Variants in SYBU observed in about 807,000 individuals in gnomAD.
The protein encoded by SYBU is syntabulin.
Under a neutral mutation model 35.9 loss-of-function variants are expected in SYBU, and 21 were observed. The observed-to-expected ratio is 0.58, with a 90% confidence interval of 0.41 to 0.84. The LOEUF is 0.84. Ranked by LOEUF, SYBU falls within the 40% of genes least tolerant of loss-of-function variation. The pLI is 0.00. For synonymous variants in SYBU, 319 were observed against 324.3 expected, an observed-to-expected ratio of 0.98 and a Z score of 0.18; for missense variants, 768 against 848.2, an observed-to-expected ratio of 0.91 and a Z score of 1.17.
chr8:109,639,771 C>T (rs750048976), intron 2 of SYBU, among the ~76,000 whole-genome samples: 1 of 152,178 alleles, frequency 6.6e-6, no homozygotes, highest in African/African-American at 2.4e-5. Flanking sequence ...TTAAAACGAG[C>T]GATTTCCCCC....
At chr8:109,581,708 G>A (rs1823050424) in intron 4 of SYBU, among the ~76,000 whole-genome samples, 1 of 152,204 alleles carries the variant, frequency 6.6e-6, no homozygotes, top group African/African-American at 2.4e-5. Context: ...TGAGAAATGT[G>A]TGTAAATGTG....
upstream of SYBU, chr8:109,646,253 G>A (rs911237173): frequency 3.9e-5 from 6 of 152,170 alleles, no homozygotes; most frequent in Admixed American, 1.3e-4. Context: ...ATGCACCAGT[G>A]TCCTACATAG....
chr8:109,626,792 C>T (rs1244227688), intron 2 of SYBU, among the ~76,000 whole-genome samples: 11 of 152,128 alleles, frequency 7.2e-5, no homozygotes. Flanking sequence ...TACCTGTAGT[C>T]CCAGCGGAGG....
At chr8:109,645,090 C>T (rs937354829), upstream of SYBU, 8 of 477,626 alleles carry the variant, frequency 1.7e-5, no homozygotes, top group Non-Finnish European at 3.3e-5. Flanking sequence ...GTGACCCCAC[C>T]CTCTTTTTTT....
intron 1 of SYBU, among the ~76,000 whole-genome samples, chr8:109,657,397 A>C (rs1174810532): frequency 6.6e-6 from 1 of 152,126 alleles, no homozygotes; most frequent in Non-Finnish European, 1.5e-5. Flanking sequence ...CTTTAACACC[A>C]AGGTTTTCTG....
At chr8:109,610,152 C>G (rs1811010718) in intron 3 of SYBU, among the ~76,000 whole-genome samples, 1 of 152,112 alleles carries the variant, frequency 6.6e-6, no homozygotes, top group Admixed American at 6.5e-5. Flanking sequence ...AATGTCACCA[C>G]CCCAGACACT....
intron 3 of SYBU, among the ~76,000 whole-genome samples, chr8:109,616,516 C>T (rs964457614): frequency 6.6e-6 from 1 of 151,970 alleles, no homozygotes; most frequent in African/African-American, 2.4e-5. Flanking sequence ...AATATTAACG[C>T]TCATATAAAC....
At chr8:109,607,634 T>C (rs1406179306) in intron 3 of SYBU, among the ~76,000 whole-genome samples, 1 of 152,210 alleles carries the variant, frequency 6.6e-6, no homozygotes, top group South Asian at 2.1e-4. Context: ...CTTTTTCATT[T>C]TGGCATCAAA....
intron 2 of SYBU, among the ~76,000 whole-genome samples, chr8:109,637,327 T>C (rs1230507699): frequency 6.6e-6 from 1 of 152,208 alleles, no homozygotes; most frequent in Non-Finnish European, 1.5e-5. Flanking sequence ...CTTAATTTGC[T>C]TTCAGACATA....
intron 3 of SYBU, among the ~76,000 whole-genome samples, chr8:109,589,608 C>T (rs967057708): frequency 6.6e-6 from 1 of 152,208 alleles, no homozygotes; most frequent in African/African-American, 2.4e-5. Context: ...GTTTTCATAG[C>T]ACTGCTGAAC....
chr8:109,593,726 A>T (rs1019676316), intron 3 of SYBU, among the ~76,000 whole-genome samples: 2 of 152,218 alleles, frequency 1.3e-5, no homozygotes, highest in African/African-American at 4.8e-5. Flanking sequence ...TTTCCATGGC[A>T]GACATGCTTC....
intron 2 of SYBU, among the ~76,000 whole-genome samples, chr8:109,633,030 A>G (rs1813814550): frequency 6.6e-6 from 1 of 152,256 alleles, no homozygotes; most frequent in Admixed American, 6.5e-5. Flanking sequence ...TCAATATAGC[A>G]TGATTTCACT....
chr8:109,600,366 T>G (rs532632833), intron 3 of SYBU, among the ~76,000 whole-genome samples: 1 of 152,196 alleles, frequency 6.6e-6, no homozygotes, highest in Admixed American at 6.5e-5. Flanking sequence ...CCAGCCTGTA[T>G]GCCCAAACCT....
chr8:109,598,643 A>C (rs939537008), intron 3 of SYBU, among the ~76,000 whole-genome samples: 1 of 152,204 alleles, frequency 6.6e-6, no homozygotes, highest in Non-Finnish European at 1.5e-5. Context: ...CTAAACACTA[A>C]ATTTTTCTAA....
intron 3 of SYBU, among the ~76,000 whole-genome samples, chr8:109,601,358 C>G (rs1825494603): frequency 6.6e-6 from 1 of 152,158 alleles, no homozygotes. Context: ...GATCTAAGAT[C>G]AGGAAACCAA....
At chr8:109,641,344 A>G (rs1814855567) in intron 2 of SYBU, among the ~76,000 whole-genome samples, 1 of 152,212 alleles carries the variant, frequency 6.6e-6, no homozygotes, top group Admixed American at 6.5e-5. Context: ...AAGAACCATC[A>G]TTTATTAAGC....
At chr8:109,682,095 CTT>C (rs781193363), upstream of SYBU, among the ~76,000 whole-genome samples, 1 of 152,072 alleles carries the variant, frequency 6.6e-6, no homozygotes, top group Non-Finnish European at 1.5e-5. Context: ...TCAGATATGT[CTT>C]TATTAGCAGC....
At chr8:109,579,190 T>C (rs1199751258) in intron 5 of SYBU, among the ~76,000 whole-genome samples, 1 of 152,198 alleles carries the variant, frequency 6.6e-6, no homozygotes, top group African/African-American at 2.4e-5. Context: ...CCTGTGTCCA[T>C]GCCCACCATC....
intron 4 of SYBU, among the ~76,000 whole-genome samples, chr8:109,582,413 C>T (rs547684798): frequency 7.6e-4 from 116 of 152,274 alleles, no homozygotes; most frequent in Admixed American, 2.2e-3. Context: ...TTTGTCATGG[C>T]CATGAACTGT....
Sources: allele counts gnomAD v4.1 joint callset (sites outside exome capture counted in the v4.1 genomes callset), GRCh38; gene constraint gnomAD v4.1.1; transcripts MANE v1.5; gene names NCBI Gene and HGNC (gene_info 2026-07-23, HGNC 2026-07-21).